UBAP1: variants seen among roughly 807,000 people sequenced by gnomAD.
UBAP1 encodes ubiquitin associated protein 1.
Under a neutral mutation model 39.0 loss-of-function variants are expected in UBAP1, and 5 were observed. The ratio of observed to expected loss-of-function variants is 0.13; its 90% CI spans 0.07 to 0.27. UBAP1 has a LOEUF of 0.27. Among genes scored for constraint, UBAP1 ranks in the 10% least tolerant of loss-of-function variants. The probability of loss-of-function intolerance (pLI) is 1.00; values close to 1 mark genes in which losing one functional copy is unlikely to be tolerated. For synonymous variants in UBAP1, 211 were observed against 225.1 expected (o/e 0.94, Z 0.56); for missense variants, 490 against 608.1 (o/e 0.81, Z 2.04).
At chr9:34,234,962 T>C (rs1472722600) in intron 3 of UBAP1, among the ~76,000 whole-genome samples, 1 of 152,206 alleles carries the variant, frequency 6.6e-6, no homozygotes, top group Non-Finnish European at 1.5e-5. Flanking sequence ...GACAGCTCCA[T>C]GCATGTATTG....
intron 1 of UBAP1, among the ~76,000 whole-genome samples, chr9:34,208,141 G>A (rs1448270635): frequency 1.3e-5 from 2 of 151,958 alleles, no homozygotes; most frequent in African/African-American, 4.8e-5. Flanking sequence ...GTTAATGTTG[G>A]TGTTGGACTG....
chr9:34,183,001 A>G (rs1275846967), intron 1 of UBAP1, among the ~76,000 whole-genome samples: 6 of 151,660 alleles, frequency 4.0e-5, no homozygotes, highest in Non-Finnish European at 8.8e-5. Flanking sequence ...GATGGTCTCG[A>G]TTTCCTGACC....
intron 3 of UBAP1, among the ~76,000 whole-genome samples, chr9:34,239,134 T>C (rs550249391): frequency 1.2e-4 from 19 of 152,372 alleles, no homozygotes; most frequent in Middle Eastern, 3.4e-3. Flanking sequence ...AACCTCCACC[T>C]CCCAGGTTCA....
At chr9:34,242,376 G>C (rs1287171657) in intron 4 of UBAP1, among the ~76,000 whole-genome samples, 1 of 152,138 alleles carries the variant, frequency 6.6e-6, no homozygotes, top group Non-Finnish European at 1.5e-5. Context: ...TCAAACTCCT[G>C]ACTTCAAGTT....
At chr9:34,186,081 A>G (rs928970140) in intron 1 of UBAP1, among the ~76,000 whole-genome samples, 4 of 152,192 alleles carry the variant, frequency 2.6e-5, no homozygotes, top group Admixed American at 1.3e-4. Context: ...GGACCATTCC[A>G]ATTCCTATAA....
At position 34,251,478 on chromosome 9, in the gene UBAP1, CAAT is replaced by C. The variant is rs1473884684; in HGVS notation, c.1456_1458del (p.Asn486del). On this transcript the variant is annotated inframe_deletion, in exon 7 of 7. Coordinates refer to ENST00000297661, the MANE Select transcript of UBAP1 (RefSeq NM_016525.5). The stretch of plus-strand genomic sequence containing the variant: ...TTAAGGAAGTTTTGCTATTACACAA[CAAT>C]GACCAGGACAATGCTTTGGAAGACC... The C allele has an allele frequency of 2.5e-6, 4 of 1,614,196 alleles. No homozygotes were observed. Among genetic ancestry groups the C allele is most frequent in the Middle Eastern group, 1.6e-4 (1 of 6,062 alleles).
At chr9:34,199,729 T>G (rs903309433) in intron 1 of UBAP1, among the ~76,000 whole-genome samples, 38 of 150,838 alleles carry the variant, frequency 2.5e-4, no homozygotes, top group Non-Finnish European at 4.9e-4. Context: ...TGACTACCCC[T>G]GGCTCAGGTG....
chr9:34,241,162 C>A, intron 3 of UBAP1, 23 bp from the exon 4 acceptor site: 2 of 1,416,904 alleles, frequency 1.4e-6, no homozygotes, highest in East Asian at 2.4e-5. Flanking sequence ...TTCACACCCC[C>A]TTCCTCTGCT....
At chr9:34,231,846 TG>T (rs946483791) in intron 2 of UBAP1, among the ~76,000 whole-genome samples, 31 of 150,392 alleles carry the variant, frequency 2.1e-4, no homozygotes, top group Admixed American at 1.8e-3. Context: ...GGTTTCACCA[TG>T]GTCTTGATCT....
At position 34,217,783 on chromosome 9, in the gene UBAP1, C is replaced by CTTTTTTTTTTTTTTTTT. The variant is rs750494361; in HGVS notation, c.-7-3111_-7-3095dup. Among the ~76,000 whole-genome samples the CTTTTTTTTTTTTTTTTT allele has an allele frequency of 4.9e-5, 2 of 41,212 alleles. 1 individual carries two copies. The highest frequency in any genetic ancestry group is 8.0e-5 in the Non-Finnish European group (2 of 24,894). 27.0% of individuals were successfully genotyped at this position (41,212 alleles called of 152,430 possible). On this transcript the variant is annotated intron_variant, in intron 1 of 6. Transcript: ENST00000297661. ...TTGTCATAAATGACAGGATTTCGTT[C>CTTTTTTTTTTTTTTTTT]TTTTTTTTTTTTTTTTTTTTTTTTT...
chr9:34,183,406 G>A (rs188410284), intron 1 of UBAP1, among the ~76,000 whole-genome samples: 88 of 151,738 alleles, frequency 5.8e-4, no homozygotes, highest in South Asian at 1.7e-3. Flanking sequence ...TTAGCCGGGC[G>A]TGGTGGTGTG....
intron 2 of UBAP1, among the ~76,000 whole-genome samples, chr9:34,232,562 C>A (rs1247984355): frequency 6.6e-6 from 1 of 152,152 alleles, no homozygotes; most frequent in Non-Finnish European, 1.5e-5. Flanking sequence ...GGAAAAGACA[C>A]CCATTCCCCC....
intron 3 of UBAP1, among the ~76,000 whole-genome samples, chr9:34,234,597 T>A (rs1248495799): frequency 1.3e-5 from 2 of 151,940 alleles, no homozygotes; most frequent in Non-Finnish European, 2.9e-5. Context: ...GCTGGGCAAC[T>A]TAATGAGACC....
At chr9:34,238,044 A>G (rs562500656) in intron 3 of UBAP1, among the ~76,000 whole-genome samples, 1 of 152,294 alleles carries the variant, frequency 6.6e-6, no homozygotes, top group East Asian at 1.9e-4. Context: ...GCCTCTGGCA[A>G]CCAGTATCTA....
intron 3 of UBAP1, among the ~76,000 whole-genome samples, chr9:34,234,642 T>G (rs530184739): frequency 9.9e-5 from 15 of 152,080 alleles, no homozygotes; most frequent in African/African-American, 2.9e-4. Context: ...ATGATAGATA[T>G]ATATATATAT....
At chr9:34,192,515 CAAAAAAAAAAAA>C (rs4008753) in intron 1 of UBAP1, among the ~76,000 whole-genome samples, 1 of 107,506 alleles carries the variant, frequency 9.3e-6, no homozygotes, top group African/African-American at 4.2e-5. Flanking sequence ...GACTCCATCT[CAAAAAAAAAAAA>C]AAAAAAAAAA....
In UBAP1 at chr9:34,179,138, C is replaced by T. The variant is rs964549835; in HGVS notation, c.-110C>T. 4.0e-6 allele frequency: 5 copies of T among 1,263,420 alleles called. No individual in the cohort carries two copies. The highest frequency in any genetic ancestry group is 4.0e-5 in the Admixed American group (1 of 24,934). 78.3% of individuals were successfully genotyped at this position (1,263,420 alleles called of 1,614,324 possible). On this transcript the variant is annotated 5_prime_UTR_variant, in exon 1 of 7. Transcript: ENST00000297661. ...GCAGAGTTGGAGGTGGTGGCGTTCGCTCTCCCTAGGGGCTGTCGGGAGCTC... is the reference window on the plus strand; with the variant it reads ...GCAGAGTTGGAGGTGGTGGCGTTCGTTCTCCCTAGGGGCTGTCGGGAGCTC...
At chr9:34,247,375 T>C (rs1180031832) in intron 4 of UBAP1, among the ~76,000 whole-genome samples, 1 of 152,210 alleles carries the variant, frequency 6.6e-6, no homozygotes, top group Non-Finnish European at 1.5e-5. Context: ...CCGTGCATCT[T>C]TAAAAAATAT....
At chr9:34,224,284 ATACGGTGTGCTGTCGATGAG>A (rs1427760964) in intron 2 of UBAP1, 4 of 472,460 alleles carry the variant, frequency 8.5e-6, no homozygotes, top group Non-Finnish European at 1.6e-5. Context: ...ACCACTGTCC[ATACGGTGTGCTGTCGATGAG>A]TATGGTGTGC....
Sources: gnomAD v4.1 joint callset for allele counts (sites outside exome capture counted in the v4.1 genomes callset) on GRCh38, gnomAD v4.1.1 for gene constraint, MANE v1.5 for transcripts, NCBI Gene and HGNC (gene_info 2026-07-23, HGNC 2026-07-21) for gene names.